The following GRIK2 variants were observed in gnomAD, a reference collection of about 807,000 sequenced individuals.
GRIK2 encodes glutamate receptor ionotropic, kainate 2.
GRIK2 carries 32 observed loss-of-function variants against 100.3 expected under a neutral mutation model. The ratio of observed to expected loss-of-function variants is 0.32; its 90% CI spans 0.24 to 0.43. The LOEUF is 0.43. GRIK2 is among the 20% of genes least tolerant of loss of function. The pLI, the probability that GRIK2 is intolerant of heterozygous loss-of-function variation, is 1.00. For missense variants in GRIK2, 843 were observed against 1,114.9 expected (o/e 0.76, Z 3.47); for synonymous variants, 417 against 389.4 (o/e 1.07, Z -0.83).
intron 14 of GRIK2, chr6:101,993,608 T>C: frequency 6.6e-6 from 1 of 150,746 alleles, no homozygotes; most frequent in East Asian, 2.0e-4. Flanking sequence ...TTTATGTAAA[T>C]GGTTATAGCA....
In GRIK2 at chr6:101,582,387, A is replaced by G. The variant is rs513250; in HGVS notation, c.116-39562A>G. Among the ~76,000 whole-genome samples, 163 of 151,950 alleles carry G rather than the reference A, an allele frequency of 1.1e-3. 1 individual carries two copies. The highest frequency in any genetic ancestry group is 1.8e-3 in the Non-Finnish European group (119 of 67,946). On this transcript the variant is annotated intron_variant, in intron 2 of 16. Coordinates refer to ENST00000369134, the MANE Select transcript of GRIK2 (RefSeq NM_021956.5). ...GGTTTCCCAACCCAAATGCCCATCA[A>G]TGATAGACTGGATAAAGAGATTTGA...
At chr6:101,499,071 A>G (rs999207689) in intron 2 of GRIK2, among the ~76,000 whole-genome samples, 4 of 152,146 alleles carry the variant, frequency 2.6e-5, no homozygotes, top group African/African-American at 9.7e-5. Context: ...CTGGCTAGCC[A>G]TATGTAGAAA....
At chr6:101,904,500 G>A (rs1435602321) in intron 12 of GRIK2, among the ~76,000 whole-genome samples, 1 of 151,048 alleles carries the variant, frequency 6.6e-6, no homozygotes, top group Non-Finnish European at 1.5e-5. Context: ...TAAAAAAATG[G>A]CTGGTCTTAG....
chr6:101,933,199 C>T (rs1340279), intron 14 of GRIK2, among the ~76,000 whole-genome samples: 5,262 of 151,940 alleles, frequency 0.035, 318 homozygotes, highest in African/African-American at 0.12. Flanking sequence ...TAAGAACTTT[C>T]GCTGGCAGAA....
chr6:101,739,135 C>T (rs1775864832), intron 7 of GRIK2, among the ~76,000 whole-genome samples: 2 of 152,198 alleles, frequency 1.3e-5, no homozygotes, highest in Admixed American at 1.3e-4. Flanking sequence ...CAAAATGTCA[C>T]AGTCACAGTA....
At chr6:101,895,096 A>C (rs1472081567) in intron 12 of GRIK2, among the ~76,000 whole-genome samples, 1 of 151,838 alleles carries the variant, frequency 6.6e-6, no homozygotes, top group East Asian at 1.9e-4. Flanking sequence ...TAGGCTATTT[A>C]AATGAACAAA....
intron 5 of GRIK2, among the ~76,000 whole-genome samples, chr6:101,680,703 A>G (rs1396008870): frequency 1.3e-5 from 2 of 152,196 alleles, no homozygotes; most frequent in African/African-American, 4.8e-5. Flanking sequence ...AAAATTGCCA[A>G]GCATAATATT....
At chr6:101,686,062 C>A in intron 6 of GRIK2, 118 bp from the exon 7 acceptor site, 1 of 628,732 alleles carries the variant, frequency 1.6e-6, no homozygotes, top group Non-Finnish European at 2.8e-6. Context: ...TGTTTAACGT[C>A]ACTTGACACA....
At chr6:101,469,976 G>T (rs558772810) in intron 2 of GRIK2, among the ~76,000 whole-genome samples, 2 of 152,256 alleles carry the variant, frequency 1.3e-5, no homozygotes, top group African/African-American at 4.8e-5. Context: ...GTTGGTCAAT[G>T]ATTTTTTGGC....
In GRIK2 at chr6:102,068,215, T is replaced by G. The variant is rs1202804735; in HGVS notation, c.2563-132T>G. The stretch of plus-strand genomic sequence containing the variant: ...TTTAAAGTGTGACATTTGTTATAAC[T>G]TTTACAATGAAAATTTTCAAACCTT... On this transcript the variant is annotated intron_variant, in intron 16 of 16. Transcript: ENST00000369134. The G allele has an allele frequency of 6.4e-6, 4 of 628,828 alleles. No individual in the cohort carries two copies. The East Asian group carries it at 1.1e-4, about 18-fold the overall frequency. The allele number at this position is 628,828 out of a possible 1,614,324, so 39.0% of individuals were successfully genotyped here.
intron 9 of GRIK2, among the ~76,000 whole-genome samples, chr6:101,810,653 G>T (rs1402399756): frequency 6.6e-6 from 1 of 152,002 alleles, no homozygotes; most frequent in Non-Finnish European, 1.5e-5. Context: ...AGGTGCCAAT[G>T]CTTAAGTGCT....
intron 14 of GRIK2, among the ~76,000 whole-genome samples, chr6:102,001,365 C>A (rs563254780): frequency 6.6e-6 from 1 of 151,444 alleles, no homozygotes; most frequent in South Asian, 2.1e-4. Context: ...TTGTTCCCCA[C>A]CCCCCGACAG....
chr6:101,684,009 T>C (rs1771486305), intron 6 of GRIK2, among the ~76,000 whole-genome samples: 4 of 152,194 alleles, frequency 2.6e-5, no homozygotes, highest in African/African-American at 7.2e-5. Flanking sequence ...CCAGATCAGA[T>C]TATTAAAATT....
chr6:101,920,600 A>G (rs1789424337), intron 12 of GRIK2, among the ~76,000 whole-genome samples: 1 of 151,964 alleles, frequency 6.6e-6, no homozygotes, highest in South Asian at 2.1e-4. Flanking sequence ...GAATGAGGAA[A>G]GTTACTGAAT....
At chr6:102,003,063 T>C (rs1415746997) in intron 14 of GRIK2, among the ~76,000 whole-genome samples, 1 of 151,632 alleles carries the variant, frequency 6.6e-6, no homozygotes, top group Non-Finnish European at 1.5e-5. Flanking sequence ...TTGTATCTCT[T>C]ATAGATTTCA....
intron 2 of GRIK2, chr6:101,430,877 A>G: frequency 2.9e-6 from 1 of 343,992 alleles, no homozygotes. Flanking sequence ...CCCACTAGGC[A>G]GTGGTGGTGA....
intron 7 of GRIK2, among the ~76,000 whole-genome samples, chr6:101,775,247 G>A (rs1021747965): frequency 1.3e-5 from 2 of 152,088 alleles, no homozygotes; most frequent in African/African-American, 2.4e-5. Context: ...AAGCCAGAGA[G>A]CACTGGTTTG....
chr6:101,612,022 G>A (rs1470736093), intron 2 of GRIK2, among the ~76,000 whole-genome samples: 2 of 151,826 alleles, frequency 1.3e-5, no homozygotes, highest in African/African-American at 4.8e-5. Context: ...GCCAGAAGTT[G>A]AGGATAAAGA....
At chr6:101,902,131 A>G (rs1410725773) in intron 12 of GRIK2, among the ~76,000 whole-genome samples, 2 of 152,018 alleles carry the variant, frequency 1.3e-5, no homozygotes, top group Non-Finnish European at 2.9e-5. Context: ...CAATTTTCAT[A>G]GTTTAAATAT....
Sources: gnomAD v4.1 joint callset for allele counts (sites outside exome capture counted in the v4.1 genomes callset) on GRCh38, gnomAD v4.1.1 for gene constraint, MANE v1.5 for transcripts, NCBI Gene and HGNC (gene_info 2026-07-23, HGNC 2026-07-21) for gene names.